The following MED13L variants were observed in gnomAD, a reference collection of about 807,000 sequenced individuals.
The protein encoded by MED13L is mediator of RNA polymerase II transcription subunit 13-like.
A neutral mutation model predicts 220.9 loss-of-function variants in MED13L; 7 were observed. The observed-to-expected ratio is 0.03, with a 90% CI of 0.02 to 0.06. The LOEUF is 0.06. Among genes scored for constraint, MED13L ranks in the 10% least tolerant of loss-of-function variants. The pLI is 1.00. For missense variants in MED13L, 1,965 were observed against 2,760.5 expected (o/e 0.71, Z 6.46); for synonymous variants, 1,011 against 1,015.2 (o/e 1.00, Z 0.08).
At chr12:116,108,506 C>T (rs571387485) in intron 3 of MED13L, among the ~76,000 whole-genome samples, 9 of 151,652 alleles carry the variant, frequency 5.9e-5, no homozygotes, top group South Asian at 2.1e-4. Flanking sequence ...AATGAATAAA[C>T]GGAGCCAACA....
In MED13L at chr12:116,260,872, T is replaced by C. The variant is rs1263872052; in HGVS notation, c.72+16188A>G. On this transcript the variant is annotated intron_variant, in intron 1 of 30. Coordinates refer to ENST00000281928, the MANE Select transcript of MED13L (RefSeq NM_015335.5). ...AGAATATCCCAAAGCAGATCTGCAG[T>C]AGGAAAATGCATCTGCTTTCTGGGC... Among the ~76,000 whole-genome samples, 6 of 152,168 alleles carry C rather than the reference T, an allele frequency of 3.9e-5. No individual in the cohort carries two copies. The East Asian group carries it at 1.2e-3, about 29-fold the overall frequency.
At chr12:116,149,970 CA>C (rs1458323323) in intron 2 of MED13L, among the ~76,000 whole-genome samples, 2 of 152,178 alleles carry the variant, frequency 1.3e-5, no homozygotes, top group Admixed American at 1.3e-4. Flanking sequence ...CTGATAGTTA[CA>C]TTTTTTTAAT....
At chr12:116,252,421 C>T (rs758481983) in intron 1 of MED13L, among the ~76,000 whole-genome samples, 1 of 151,960 alleles carries the variant, frequency 6.6e-6, no homozygotes, top group East Asian at 1.9e-4. Flanking sequence ...TGCCTGTGGT[C>T]CCAGGTACTC....
At position 116,005,917 on chromosome 12, in the gene MED13L, C is replaced by T; in HGVS notation, c.2421G>A (p.Leu807=). ...LTQVTDLAPS[L]HDLDNIFDNS... ...TATCAAAGATGTTGTCTAAGTCATG[C>T]AGGGAAGGTGCCAAATCTGTTACCT... The change falls in exon 13 of 31, where the codon CTG becomes CTA. Residue 807 remains leucine, a synonymous_variant. Coordinates refer to ENST00000281928, the MANE Select transcript of MED13L (RefSeq NM_015335.5). 6.2e-7 allele frequency: 1 copy of T among 1,613,950 alleles called. No homozygotes were observed. Among genetic ancestry groups the T allele is most frequent in the East Asian group, 2.2e-5 (1 of 44,872 alleles).
intron 2 of MED13L, among the ~76,000 whole-genome samples, chr12:116,113,854 A>G (rs1429597416): frequency 5.3e-5 from 3 of 56,896 alleles, no homozygotes; most frequent in Middle Eastern, 8.6e-3. Flanking sequence ...GAGAGAGAGG[A>G]GAGGGGGAGA....
intron 3 of MED13L, among the ~76,000 whole-genome samples, chr12:116,100,138 AGTACAG>A (rs1872942051): frequency 6.6e-6 from 1 of 152,186 alleles, no homozygotes; most frequent in Non-Finnish European, 1.5e-5. Context: ...AAGATTAGGC[AGTACAG>A]AAGTATTTCC....
intron 4 of MED13L, among the ~76,000 whole-genome samples, chr12:116,054,356 A>AC (rs1868770591): frequency 6.6e-6 from 1 of 152,148 alleles, no homozygotes; most frequent in Non-Finnish European, 1.5e-5. Context: ...TATGTGTAAT[A>AC]CCTTGATTAA....
At chr12:116,042,702 T>TATAAC (rs1190848113) in intron 4 of MED13L, among the ~76,000 whole-genome samples, 1 of 152,006 alleles carries the variant, frequency 6.6e-6, no homozygotes, top group African/African-American at 2.4e-5. Context: ...AAAGCAGCAA[T>TATAAC]ATAACAGAGG....
At chr12:115,975,072 T>C (rs1876842929) in intron 25 of MED13L, 99 bp downstream of exon 25, 1 of 1,247,288 alleles carries the variant, frequency 8.0e-7, no homozygotes, top group South Asian at 1.2e-5. Flanking sequence ...TCTGTTTAAT[T>C]CTTACAAATT....
intron 2 of MED13L, among the ~76,000 whole-genome samples, chr12:116,168,478 C>T (rs554555720): frequency 4.6e-5 from 7 of 152,174 alleles, no homozygotes; most frequent in South Asian, 4.2e-4. Context: ...TAAAAGCTTC[C>T]GGAGATAGAG....
chr12:116,205,401 G>A (rs1216137953), intron 2 of MED13L, among the ~76,000 whole-genome samples: 1 of 150,344 alleles, frequency 6.7e-6, no homozygotes, highest in Non-Finnish European at 1.5e-5. Flanking sequence ...CAGCTACTTG[G>A]GACCAAAGAC....
rs572651345 is a variant in MED13L, at chr12:116,207,240, A to G, written c.310+30228T>C. Reference sequence around the variant, plus strand: ...GGTCTCAAACTCATGGGCTCGAAAGATTCTCCTGCCTCACCCTCCCAAAAT... The same window carrying G: ...GGTCTCAAACTCATGGGCTCGAAAGGTTCTCCTGCCTCACCCTCCCAAAAT... On this transcript the variant is annotated intron_variant, in intron 2 of 30. Coordinates refer to ENST00000281928, the MANE Select transcript of MED13L (RefSeq NM_015335.5). Among the ~76,000 whole-genome samples, 9 of 151,718 alleles carry G rather than the reference A, an allele frequency of 5.9e-5. No individual in the cohort carries two copies. In the South Asian group the frequency reaches 1.5e-3, roughly 25 times the overall value.
At chr12:116,110,715 G>A (rs1565882177) in intron 3 of MED13L, among the ~76,000 whole-genome samples, 1 of 152,138 alleles carries the variant, frequency 6.6e-6, no homozygotes, top group Non-Finnish European at 1.5e-5. Flanking sequence ...GACAGAACAT[G>A]TTAACATCAC....
intron 4 of MED13L, among the ~76,000 whole-genome samples, chr12:116,038,911 T>TC (rs1566024653): frequency 6.6e-6 from 1 of 152,030 alleles, no homozygotes; most frequent in African/African-American, 2.4e-5. Context: ...TATTTTTTTT[T>TC]CCCGCCTCGT....
intron 1 of MED13L, among the ~76,000 whole-genome samples, chr12:116,271,220 TGA>T (rs762578299): frequency 3.3e-5 from 5 of 151,912 alleles, no homozygotes; most frequent in Admixed American, 6.6e-5. Flanking sequence ...TGTGTGTGTG[TGA>T]GTGTGTGCGC....
chr12:116,276,381 A>C, intron 1 of MED13L: 2 of 1,220,052 alleles, frequency 1.6e-6, no homozygotes, highest in Non-Finnish European at 1.1e-6. Flanking sequence ...AGAGAAAAAC[A>C]GTTTTTAAAA....
intron 11 of MED13L, chr12:116,006,925 T>C (rs1879083267): frequency 4.8e-6 from 1 of 206,358 alleles, no homozygotes; most frequent in Non-Finnish European, 9.9e-6. Flanking sequence ...TACTCATTTT[T>C]ATGATGATGA....
intron 4 of MED13L, among the ~76,000 whole-genome samples, chr12:116,071,631 C>T (rs1026492297): frequency 6.6e-6 from 1 of 152,212 alleles, no homozygotes; most frequent in Non-Finnish European, 1.5e-5. Flanking sequence ...TGTTCAACTA[C>T]AGTGCTAAAC....
At chr12:116,157,968 G>A (rs1878572731) in intron 2 of MED13L, among the ~76,000 whole-genome samples, 1 of 152,204 alleles carries the variant, frequency 6.6e-6, no homozygotes, top group African/African-American at 2.4e-5. Flanking sequence ...GGCAGGATCA[G>A]ATTACTGGTT....
Sources: allele counts gnomAD v4.1 joint callset (sites outside exome capture counted in the v4.1 genomes callset), GRCh38; gene constraint gnomAD v4.1.1; transcripts MANE v1.5; gene names NCBI Gene and HGNC (gene_info 2026-07-23, HGNC 2026-07-21).